NDST3: variants seen among roughly 807,000 people sequenced by gnomAD.
The protein encoded by NDST3 is N-deacetylase and N-sulfotransferase 3.
Under a neutral mutation model 96.1 loss-of-function variants are expected in NDST3, and 58 were observed. The observed-to-expected ratio is 0.60, with a 90% confidence interval of 0.49 to 0.75. The LOEUF (loss-of-function observed/expected upper bound fraction) is 0.75, where lower values mean the gene tolerates loss of function less well. Ranked by LOEUF, NDST3 falls within the 30% of genes least tolerant of loss-of-function variation. NDST3 has a pLI of 0.00. For missense variants in NDST3, 788 were observed against 1,034.2 expected (o/e 0.76, Z 3.27); for synonymous variants, 333 against 359.7 (o/e 0.93, Z 0.84).
chr4:118,164,787 A>C (rs540777194), intron 6 of NDST3, among the ~76,000 whole-genome samples: 2 of 152,322 alleles, frequency 1.3e-5, no homozygotes, highest in South Asian at 4.1e-4. Flanking sequence ...AATAATAAAA[A>C]GGGCAAGGGA....
chr4:118,217,706 T>C (rs1312476349), intron 6 of NDST3, among the ~76,000 whole-genome samples: 1 of 151,862 alleles, frequency 6.6e-6, no homozygotes, highest in Non-Finnish European at 1.5e-5. Context: ...CCTTAAAACG[T>C]CATGAAATAA....
chr4:118,197,991 G>A lies in NDST3; in HGVS notation c.1540-26500G>A, dbSNP rs188965891. Among the ~76,000 whole-genome samples, 32 of 151,962 alleles carry A rather than the reference G, an allele frequency of 2.1e-4. No individual in the cohort carries two copies. In the East Asian group the frequency reaches 6.2e-3, roughly 29 times the overall value. ...ATTTTTGTATTTTTAGTAGAGACAGGGTTTCACCATGTTGGCCAGGATGGT... is the reference window on the plus strand; with the variant it reads ...ATTTTTGTATTTTTAGTAGAGACAGAGTTTCACCATGTTGGCCAGGATGGT... On this transcript the variant is annotated intron_variant, in intron 6 of 13. Transcript: ENST00000296499.
At chr4:118,056,419 A>G (rs565264332) in intron 2 of NDST3, among the ~76,000 whole-genome samples, 83 of 152,078 alleles carry the variant, frequency 5.5e-4, no homozygotes, top group Non-Finnish European at 9.4e-4. Flanking sequence ...TGGCATGTCT[A>G]CTTTATGAAC....
chr4:118,141,211 G>T (rs911338291), intron 5 of NDST3, among the ~76,000 whole-genome samples: 1 of 152,142 alleles, frequency 6.6e-6, no homozygotes, highest in Admixed American at 6.5e-5. Context: ...GCATCTCAAA[G>T]TTTGACTTTG....
chr4:118,165,589 C>T (rs540942275), intron 6 of NDST3, among the ~76,000 whole-genome samples: 10 of 152,102 alleles, frequency 6.6e-5, no homozygotes, highest in African/African-American at 1.9e-4. Context: ...TGATACAGAA[C>T]ATTTTACTCA....
At chr4:118,102,098 G>A (rs761926431) in intron 2 of NDST3, among the ~76,000 whole-genome samples, 1 of 151,636 alleles carries the variant, frequency 6.6e-6, no homozygotes, top group Non-Finnish European at 1.5e-5. Context: ...AGAAAAAATG[G>A]AAAGAAAACA....
Position 118,054,184 on chromosome 4 carries a change from G to T in NDST3, c.274G>T (p.Gly92Cys), listed in dbSNP as rs747843029. ...TGTAGAGAGCCAGTACTCATCTCTT[G>T]GTCAAGACATCATTATGATTCTAGA... ...VFVESQYSSLGQDIIMILESS... is the reference protein window; with the variant it reads ...VFVESQYSSLCQDIIMILESS... Residue 92 changes from glycine (G) to cysteine (C), a missense_variant, in exon 2 of 14, where the codon GGT (glycine) becomes TGT (cysteine). Gly to Cys is a radical substitution (Grantham distance 159, BLOSUM62 -3). This residue lies in a region of NDST3 where 234 missense variants were observed against 256.9 expected (regional missense o/e 0.91). Transcript: ENST00000296499. 3 of 1,612,734 alleles carry T rather than the reference G, an allele frequency of 1.9e-6. No individual in the cohort carries two copies. The highest frequency in any genetic ancestry group is 2.5e-6 in the Non-Finnish European group (3 of 1,179,322).
intron 4 of NDST3, among the ~76,000 whole-genome samples, chr4:118,127,265 G>A (rs181464842): frequency 1.1e-4 from 17 of 152,040 alleles, no homozygotes; most frequent in African/African-American, 3.9e-4. Context: ...AGACATTTTT[G>A]CCAAGACCAA....
intron 6 of NDST3, among the ~76,000 whole-genome samples, chr4:118,223,186 G>GA (rs1159254903): frequency 6.6e-6 from 1 of 151,752 alleles, no homozygotes; most frequent in Admixed American, 6.6e-5. Flanking sequence ...AACGACATTA[G>GA]AAAAAAACTT....
chr4:118,064,133 G>C lies in NDST3; in HGVS notation c.981+9242G>C, dbSNP rs1447275532. On this transcript the variant is annotated intron_variant, in intron 2 of 13. Transcript: ENST00000296499. Reference sequence around the variant, plus strand: ...GACAGCATAGTGACAGGCCCTTCTGGCGCTCAATCAATTAAAGAACCAAAA... The same window carrying C: ...GACAGCATAGTGACAGGCCCTTCTGCCGCTCAATCAATTAAAGAACCAAAA... 2.6e-5 allele frequency among the ~76,000 whole-genome samples: 4 copies of C among 152,206 alleles called. No individual in the cohort carries two copies. In the East Asian group the frequency reaches 7.7e-4, roughly 29 times the overall value.
At chr4:118,238,617 G>A (rs963597536) in intron 10 of NDST3, among the ~76,000 whole-genome samples, 8 of 152,094 alleles carry the variant, frequency 5.3e-5, no homozygotes, top group Admixed American at 3.3e-4. Flanking sequence ...GTGTTTATCC[G>A]TTCATCAAGT....
At chr4:118,160,377 CA>C (rs1445669692) in intron 6 of NDST3, among the ~76,000 whole-genome samples, 1 of 151,670 alleles carries the variant, frequency 6.6e-6, no homozygotes, top group East Asian at 1.9e-4. Flanking sequence ...AGTAAATAGA[CA>C]GCCTACAAAA....
chr4:118,034,087 TAA>T (rs1724018116), upstream of NDST3, among the ~76,000 whole-genome samples: 1 of 152,218 alleles, frequency 6.6e-6, no homozygotes, highest in African/African-American at 2.4e-5. Flanking sequence ...CTGTTTTAAA[TAA>T]GTTTATTTAG....
At chr4:118,070,176 C>T (rs1188318904) in intron 2 of NDST3, among the ~76,000 whole-genome samples, 1 of 152,066 alleles carries the variant, frequency 6.6e-6, no homozygotes, top group Non-Finnish European at 1.5e-5. Flanking sequence ...TGGGATTAGA[C>T]AATTAGATTT....
chr4:118,130,090 T>G (rs1732483871), intron 4 of NDST3, among the ~76,000 whole-genome samples: 1 of 152,110 alleles, frequency 6.6e-6, no homozygotes, highest in African/African-American at 2.4e-5. Flanking sequence ...ATAAGTGAAG[T>G]GTGTTTCTTG....
intron 6 of NDST3, chr4:118,193,661 G>T: frequency 7.7e-7 from 1 of 1,300,198 alleles, no homozygotes; most frequent in Non-Finnish European, 1.1e-6. Context: ...CTGGAAGTCA[G>T]CCTGTGCCAG....
chr4:118,169,817 G>T (rs2125935824), intron 6 of NDST3, among the ~76,000 whole-genome samples: 1 of 151,158 alleles, frequency 6.6e-6, no homozygotes, highest in African/African-American at 2.4e-5. Flanking sequence ...AAAGAGAGCT[G>T]AACTGGGTGA....
chr4:118,174,359 A>C (rs1350366628), intron 6 of NDST3, among the ~76,000 whole-genome samples: 1 of 152,240 alleles, frequency 6.6e-6, no homozygotes, highest in African/African-American at 2.4e-5. Flanking sequence ...ATCTGTCTGC[A>C]CAGGAAATTC....
At chr4:118,186,080 T>C (rs2125958383) in intron 6 of NDST3, among the ~76,000 whole-genome samples, 1 of 152,206 alleles carries the variant, frequency 6.6e-6, no homozygotes, top group East Asian at 1.9e-4. Flanking sequence ...GAGGAGAGGG[T>C]ACCTCCTTGT....
Sources: allele counts gnomAD v4.1 joint callset (sites outside exome capture counted in the v4.1 genomes callset), GRCh38; gene constraint gnomAD v4.1.1; regional missense constraint gnomAD v4.1.1; transcripts MANE v1.5; gene names NCBI Gene and HGNC (gene_info 2026-07-23, HGNC 2026-07-21).